Variants in GOLIM4 observed in about 807,000 individuals in gnomAD.
GOLIM4 encodes 130 kDa golgi-localized phosphoprotein.
In GOLIM4, 71 loss-of-function variants were observed where a neutral mutation model predicts 107.4. That is an observed-to-expected ratio of 0.66 (90% CI 0.55 to 0.81). The LOEUF (loss-of-function observed/expected upper bound fraction) is 0.81, where lower values mean the gene tolerates loss of function less well. Ranked by LOEUF, GOLIM4 falls within the 30% of genes least tolerant of loss-of-function variation. The pLI, the probability that GOLIM4 is intolerant of heterozygous loss-of-function variation, is 0.00. For missense variants in GOLIM4, 830 were observed against 826.1 expected (o/e 1.00, Z -0.06); for synonymous variants, 327 against 294.8 (o/e 1.11, Z -1.12).
intron 1 of GOLIM4, among the ~76,000 whole-genome samples, chr3:168,093,558 T>A (rs1722012556): frequency 6.6e-6 from 1 of 152,212 alleles, no homozygotes; most frequent in Non-Finnish European, 1.5e-5. Flanking sequence ...TATTAGACGG[T>A]AAATTTTTCC....
chr3:168,027,053 A>G (rs772575263), intron 12 of GOLIM4, among the ~76,000 whole-genome samples: 32 of 152,304 alleles, frequency 2.1e-4, no homozygotes, highest in Non-Finnish European at 4.4e-4. Flanking sequence ...CTCACTAAAC[A>G]TTTGCTTGCT....
intron 12 of GOLIM4, among the ~76,000 whole-genome samples, chr3:168,026,800 G>C (rs1560073703): frequency 6.6e-6 from 1 of 152,202 alleles, no homozygotes; most frequent in Non-Finnish European, 1.5e-5. Context: ...GCCAGGGAAA[G>C]GTGTTCTGCC....
intron 15 of GOLIM4, 119 bp from the exon 16 acceptor site, chr3:168,010,537 T>C (rs1420543590): frequency 8.7e-6 from 7 of 805,014 alleles, no homozygotes; most frequent in African/African-American, 3.5e-5. Flanking sequence ...GGAAGAAAAA[T>C]GATATGTAAG....
chr3:168,027,873 G>A (rs753662382), intron 11 of GOLIM4, 36 bp from the exon 12 acceptor site: 2 of 1,302,674 alleles, frequency 1.5e-6, no homozygotes, highest in Admixed American at 3.4e-5. Flanking sequence ...AGCCCAAAAT[G>A]AATCAAACAG....
At chr3:168,080,851 G>T (rs1417621297) in intron 1 of GOLIM4, among the ~76,000 whole-genome samples, 2 of 152,202 alleles carry the variant, frequency 1.3e-5, no homozygotes, top group East Asian at 1.9e-4. Flanking sequence ...GCACTGTGTG[G>T]GCTAAACCAA....
intron 1 of GOLIM4, among the ~76,000 whole-genome samples, chr3:168,052,938 T>G (rs148125687): frequency 8.3e-4 from 126 of 152,304 alleles, no homozygotes; most frequent in Non-Finnish European, 1.5e-3. Flanking sequence ...AGATCTTTAA[T>G]GCAGAATAAC....
chr3:168,020,881 G>T (rs1035899543), intron 14 of GOLIM4, among the ~76,000 whole-genome samples: 1 of 152,158 alleles, frequency 6.6e-6, no homozygotes, highest in Admixed American at 6.5e-5. Context: ...GGTTCTAACT[G>T]ATCTTTAAAA....
intron 1 of GOLIM4, among the ~76,000 whole-genome samples, chr3:168,091,342 T>C (rs1179753840): frequency 6.6e-6 from 1 of 152,202 alleles, no homozygotes; most frequent in Non-Finnish European, 1.5e-5. Context: ...ATGCCTTTTA[T>C]AAAAATTTAA....
At chr3:168,014,105 G>GT (rs1316519287) in intron 14 of GOLIM4, among the ~76,000 whole-genome samples, 1 of 144,110 alleles carries the variant, frequency 6.9e-6, no homozygotes, top group Non-Finnish European at 1.5e-5. Context: ...CCAGGAGCTG[G>GT]TTTTTTGAAA....
chr3:168,075,304 T>TG (rs1721019883), intron 1 of GOLIM4, among the ~76,000 whole-genome samples: 1 of 114,530 alleles, frequency 8.7e-6, no homozygotes, highest in African/African-American at 3.3e-5. Context: ...TTTTTTTTTT[T>TG]TTTTTTTTTT....
intron 1 of GOLIM4, among the ~76,000 whole-genome samples, chr3:168,059,439 ATAAAAG>A (rs1307525212): frequency 6.6e-6 from 1 of 152,198 alleles, no homozygotes; most frequent in Non-Finnish European, 1.5e-5. Context: ...GAAAAGGTTC[ATAAAAG>A]TAAGTCTTGT....
chr3:168,046,041 C>T (rs1238980029), intron 3 of GOLIM4, among the ~76,000 whole-genome samples: 1 of 152,088 alleles, frequency 6.6e-6, no homozygotes, highest in African/African-American at 2.4e-5. Context: ...ACCATCACGC[C>T]CAGCTAATAT....
At chr3:168,086,071 T>C (rs1721605410) in intron 1 of GOLIM4, among the ~76,000 whole-genome samples, 2 of 152,186 alleles carry the variant, frequency 1.3e-5, no homozygotes, top group Non-Finnish European at 2.9e-5. Context: ...TTATTTTTCA[T>C]ATTTTAATAA....
At chr3:168,085,198 C>T (rs1400307110) in intron 1 of GOLIM4, among the ~76,000 whole-genome samples, 1 of 152,128 alleles carries the variant, frequency 6.6e-6, no homozygotes, top group Non-Finnish European at 1.5e-5. Flanking sequence ...AAGATAAGAT[C>T]AATTCCAGGA....
Position 168,009,258 on chromosome 3 carries a change from A to T in GOLIM4, c.*1011T>A, listed in dbSNP as rs1342897380. 1 of 151,838 alleles carries T rather than the reference A, an allele frequency of 6.6e-6. No homozygotes were observed. Among genetic ancestry groups the T allele is most frequent in the Non-Finnish European group, 1.5e-5 (1 of 67,944 alleles). 9.4% of individuals were successfully genotyped at this position (151,838 alleles called of 1,614,324 possible). A position where few individuals can be genotyped will look rare whatever the true frequency, so the allele number is the denominator to read the frequency against. On this transcript the variant is annotated 3_prime_UTR_variant, in exon 16 of 16. Transcript: ENST00000470487. Reference sequence around the variant, plus strand: ...AACCATAAGTCTATCATATCACCATATGTTTCACCATATAGTTTTGAAAAA... The same window carrying T: ...AACCATAAGTCTATCATATCACCATTTGTTTCACCATATAGTTTTGAAAAA...
At chr3:168,056,033 C>T (rs1246542486) in intron 1 of GOLIM4, among the ~76,000 whole-genome samples, 5 of 152,210 alleles carry the variant, frequency 3.3e-5, no homozygotes, top group African/African-American at 1.2e-4. Context: ...TGTCAGAGGT[C>T]TTCACAGCAG....
At chr3:168,086,530 C>A (rs1721636859) in intron 1 of GOLIM4, among the ~76,000 whole-genome samples, 1 of 152,248 alleles carries the variant, frequency 6.6e-6, no homozygotes, top group African/African-American at 2.4e-5. Context: ...TTCATGCACT[C>A]CCAAAGAAAA....
chr3:168,058,216 T>C (rs1720082261), intron 1 of GOLIM4, among the ~76,000 whole-genome samples: 1 of 152,260 alleles, frequency 6.6e-6, no homozygotes, highest in Non-Finnish European at 1.5e-5. Flanking sequence ...TGCTAATGCA[T>C]ACGGTTTGTA....
intron 1 of GOLIM4, among the ~76,000 whole-genome samples, chr3:168,089,826 G>C (rs925642631): frequency 2.6e-5 from 4 of 151,102 alleles, no homozygotes; most frequent in Non-Finnish European, 5.9e-5. Flanking sequence ...TGGAGTGCAG[G>C]GGGGTGACTG....
Sources: allele counts gnomAD v4.1 joint callset (sites outside exome capture counted in the v4.1 genomes callset), GRCh38; gene constraint gnomAD v4.1.1; transcripts MANE v1.5; gene names NCBI Gene and HGNC (gene_info 2026-07-23, HGNC 2026-07-21).